The following MYO6 variants were observed in gnomAD, a reference collection of about 807,000 sequenced individuals.
MYO6 encodes unconventional myosin-VI.
MYO6 carries 74 observed loss-of-function variants against 178.7 expected under a neutral mutation model. That is an observed-to-expected ratio of 0.41 (90% CI 0.34 to 0.50). The LOEUF (loss-of-function observed/expected upper bound fraction) is 0.50. Ranked by LOEUF, MYO6 falls within the 20% of genes least tolerant of loss-of-function variation. The pLI is 0.09. For missense variants in MYO6, 1,330 were observed against 1,547.4 expected (o/e 0.86, Z 2.36); for synonymous variants, 477 against 504.6 (o/e 0.95, Z 0.73).
chr6:75,885,901 T>A (rs1778397878), intron 23 of MYO6, 103 bp from the exon 24 acceptor site: 1 of 724,860 alleles, frequency 1.4e-6, no homozygotes, highest in South Asian at 1.7e-5. Flanking sequence ...GTCGTCAAGA[T>A]TTCATGTTTC....
intron 33 of MYO6, among the ~76,000 whole-genome samples, chr6:75,912,187 T>TA (rs1366554633): frequency 6.6e-6 from 1 of 152,052 alleles, no homozygotes; most frequent in Non-Finnish European, 1.5e-5. Flanking sequence ...ATTATTCTGT[T>TA]ACGTTTATAG....
At chr6:75,772,799 G>T (rs772805542) in intron 1 of MYO6, among the ~76,000 whole-genome samples, 22 of 152,252 alleles carry the variant, frequency 1.4e-4, no homozygotes, top group Non-Finnish European at 2.8e-4. Context: ...GATAATATTG[G>T]ACCCTTCAAT....
chr6:75,911,970 A>T (rs569425303), intron 33 of MYO6, among the ~76,000 whole-genome samples: 6 of 152,132 alleles, frequency 3.9e-5, no homozygotes, highest in African/African-American at 1.4e-4. Context: ...TTAAACTGAG[A>T]GTATGTACAA....
chr6:75,770,481 T>G (rs1036937787), intron 1 of MYO6, among the ~76,000 whole-genome samples: 3 of 152,162 alleles, frequency 2.0e-5, no homozygotes, highest in Non-Finnish European at 4.4e-5. Flanking sequence ...CCTTTAGGTT[T>G]GTTTGTTTGT....
intron 4 of MYO6, 48 bp downstream of exon 4, chr6:75,828,661 A>C: frequency 1.3e-5 from 15 of 1,137,668 alleles, no homozygotes; most frequent in Non-Finnish European, 1.9e-5. Flanking sequence ...TAATTATTTC[A>C]TGTGGTACTC....
chr6:75,800,031 T>C (rs963786052), intron 1 of MYO6, among the ~76,000 whole-genome samples: 8 of 152,224 alleles, frequency 5.3e-5, no homozygotes, highest in African/African-American at 1.7e-4. Context: ...AAGAATGTGC[T>C]TTTCTTTTTT....
Position 75,906,323 on chromosome 6 carries a change from T to C in MYO6, c.3177-1282T>C, listed in dbSNP as rs972438124. ...ATCTTTTGCTGAAAAATAAGTTTATTATTACAGAAAAGAAATTGTTCCCAT... is the reference window on the plus strand; with the variant it reads ...ATCTTTTGCTGAAAAATAAGTTTATCATTACAGAAAAGAAATTGTTCCCAT... On this transcript the variant is annotated intron_variant, in intron 30 of 34. Transcript: ENST00000369977. Among the ~76,000 whole-genome samples, 7 of 152,196 alleles carry C rather than the reference T, an allele frequency of 4.6e-5. No homozygotes were observed. The South Asian group carries it at 8.3e-4, about 18-fold the overall frequency.
At chr6:75,796,196 T>C (rs2150102289) in intron 1 of MYO6, among the ~76,000 whole-genome samples, 1 of 152,342 alleles carries the variant, frequency 6.6e-6, no homozygotes, top group South Asian at 2.1e-4. Context: ...CTTTCTAATA[T>C]GGTCAGTGAC....
At chr6:75,821,337 A>G (rs1771849328) in intron 2 of MYO6, among the ~76,000 whole-genome samples, 1 of 152,184 alleles carries the variant, frequency 6.6e-6, no homozygotes, top group African/African-American at 2.4e-5. Context: ...ACATACATAT[A>G]TGACATTAGC....
intron 1 of MYO6, among the ~76,000 whole-genome samples, chr6:75,752,311 A>G (rs1176757915): frequency 6.6e-6 from 1 of 152,214 alleles, no homozygotes; most frequent in African/African-American, 2.4e-5. Context: ...GAGATATTTC[A>G]TAATAATTTG....
intron 1 of MYO6, among the ~76,000 whole-genome samples, chr6:75,761,934 C>CTT (rs530262512): frequency 3.6e-5 from 5 of 139,744 alleles, no homozygotes; most frequent in South Asian, 2.3e-4. Flanking sequence ...TGTAACAGTT[C>CTT]TTTTTTTTTT....
chr6:75,894,829 G>T, intron 28 of MYO6: 1 of 1,518,082 alleles, frequency 6.6e-7, no homozygotes, highest in East Asian at 2.4e-5. Flanking sequence ...ATTCCTATCC[G>T]GTAACTTCTA....
At chr6:75,827,417 G>GA (rs1361631025) in intron 3 of MYO6, among the ~76,000 whole-genome samples, 1 of 152,142 alleles carries the variant, frequency 6.6e-6, no homozygotes, top group Non-Finnish European at 1.5e-5. Context: ...GTGAATTGTG[G>GA]AAAATTATAT....
At position 75,917,124 on chromosome 6, in the gene MYO6, G is replaced by C. The variant is rs1480617956; in HGVS notation, c.*2112G>C. ...CTTAGGACCCTGTCAGCCTTTTAAAGGAAACAGCAGGAGTGGTGTCCTAAA... is the reference window on the plus strand; with the variant it reads ...CTTAGGACCCTGTCAGCCTTTTAAACGAAACAGCAGGAGTGGTGTCCTAAA... On this transcript the variant is annotated 3_prime_UTR_variant, in exon 35 of 35. Coordinates refer to ENST00000369977, the MANE Select transcript of MYO6 (RefSeq NM_004999.4). The C allele has an allele frequency of 6.6e-6, 1 of 152,568 alleles. No homozygotes were observed. Among genetic ancestry groups the C allele is most frequent in the Admixed American group, 6.5e-5 (1 of 15,278 alleles). The allele number at this position is 152,568 out of a possible 1,614,324, so 9.5% of individuals were successfully genotyped here.
At chr6:75,803,985 CTG>C (rs1769746683) in intron 1 of MYO6, among the ~76,000 whole-genome samples, 1 of 152,154 alleles carries the variant, frequency 6.6e-6, no homozygotes, top group African/African-American at 2.4e-5. Flanking sequence ...CCTTGGCCAC[CTG>C]AGCTGAAGCT....
At chr6:75,849,775 A>G (rs1055532564) in intron 11 of MYO6, among the ~76,000 whole-genome samples, 5 of 152,200 alleles carry the variant, frequency 3.3e-5, no homozygotes, top group Non-Finnish European at 7.3e-5. Flanking sequence ...CAAAGGCAGT[A>G]AATTATTTTG....
chr6:75,909,555 T>C (rs1302114101), intron 32 of MYO6, among the ~76,000 whole-genome samples: 1 of 152,154 alleles, frequency 6.6e-6, no homozygotes, highest in East Asian at 1.9e-4. Context: ...TACTTGAAAT[T>C]GGAAAGTAGA....
intron 1 of MYO6, among the ~76,000 whole-genome samples, chr6:75,768,709 A>G (rs992036299): frequency 1.3e-5 from 2 of 152,058 alleles, no homozygotes; most frequent in Admixed American, 1.3e-4. Flanking sequence ...CCTTCAAGGG[A>G]TAGTGAGTTT....
chr6:75,863,040 T>G (rs1436990646), intron 16 of MYO6, among the ~76,000 whole-genome samples: 3 of 152,042 alleles, frequency 2.0e-5, no homozygotes, highest in African/African-American at 7.3e-5. Flanking sequence ...CAGTGAGTTG[T>G]TAGCATGCCA....
Sources: gnomAD v4.1 joint callset for allele counts (sites outside exome capture counted in the v4.1 genomes callset) on GRCh38, gnomAD v4.1.1 for gene constraint, MANE v1.5 for transcripts, NCBI Gene and HGNC (gene_info 2026-07-23, HGNC 2026-07-21) for gene names.